PARVA: variants seen among roughly 807,000 people sequenced by gnomAD.
PARVA encodes parvin alpha.
In PARVA, 25 loss-of-function variants were observed where a neutral mutation model predicts 52.6. The observed-to-expected ratio is 0.48, with a 90% confidence interval of 0.35 to 0.66. The LOEUF (loss-of-function observed/expected upper bound fraction) is 0.66. Among genes scored for constraint, PARVA ranks in the 30% least tolerant of loss-of-function variants. The pLI, the probability that PARVA is intolerant of heterozygous loss-of-function variation, is 0.01. For missense variants in PARVA, 373 were observed against 450.9 expected (o/e 0.83, Z 1.56); for synonymous variants, 185 against 179.1 (o/e 1.03, Z -0.26).
At chr11:12,402,408 G>A (rs567892972) in intron 1 of PARVA, among the ~76,000 whole-genome samples, 85 of 152,284 alleles carry the variant, frequency 5.6e-4, no homozygotes, top group South Asian at 5.4e-3. Context: ...GGATCTGGAG[G>A]GGCAAGTGGA....
At chr11:12,400,476 G>A (rs1939810858) in intron 1 of PARVA, among the ~76,000 whole-genome samples, 1 of 152,194 alleles carries the variant, frequency 6.6e-6, no homozygotes, top group Non-Finnish European at 1.5e-5. Flanking sequence ...TATCTCCACT[G>A]TCTAGATCCT....
At chr11:12,522,854 C>T (rs1241840359) in intron 12 of PARVA, among the ~76,000 whole-genome samples, 2 of 150,320 alleles carry the variant, frequency 1.3e-5, no homozygotes, top group Non-Finnish European at 2.9e-5. Flanking sequence ...CAAAAAGAGG[C>T]AACATTTGAA....
At chr11:12,463,795 ATTAT>A (rs1188249336) in intron 1 of PARVA, among the ~76,000 whole-genome samples, 6 of 152,148 alleles carry the variant, frequency 3.9e-5, no homozygotes, top group African/African-American at 1.4e-4. Flanking sequence ...AATTTATTCA[ATTAT>A]TTATATCACT....
chr11:12,508,208 C>G (rs1941460990), intron 6 of PARVA, among the ~76,000 whole-genome samples: 1 of 151,278 alleles, frequency 6.6e-6, no homozygotes, highest in Non-Finnish European at 1.5e-5. Context: ...ATGTGTTTCT[C>G]AGCTTCCCTC....
chr11:12,455,552 T>C (rs920601084), intron 1 of PARVA, among the ~76,000 whole-genome samples: 3 of 152,206 alleles, frequency 2.0e-5, no homozygotes, highest in African/African-American at 4.8e-5. Context: ...ATTGGAAGCC[T>C]CTTTGATACA....
At position 12,491,342 on chromosome 11, in the gene PARVA, A is replaced by C. The variant is rs115491114; in HGVS notation, c.401-5116A>C. Among the ~76,000 whole-genome samples the C allele has an allele frequency of 2.8e-3, 427 of 152,082 alleles. 1 individual carries two copies. The highest frequency in any genetic ancestry group is 9.7e-3 in the African/African-American group (402 of 41,478). ...ACCATGCCCAGCTAAGTATCTTCTT[A>C]TTTTTTGTACAGACAGGGTCTCGCT... On this transcript the variant is annotated intron_variant, in intron 4 of 12. Coordinates refer to ENST00000334956, the MANE Select transcript of PARVA (RefSeq NM_018222.5).
intron 1 of PARVA, among the ~76,000 whole-genome samples, chr11:12,399,670 G>A (rs1939798059): frequency 6.6e-6 from 1 of 152,118 alleles, no homozygotes; most frequent in African/African-American, 2.4e-5. Flanking sequence ...TTTCTTGTGT[G>A]TGTGTATTTT....
At chr11:12,513,754 G>A in intron 9 of PARVA, 2 of 592,256 alleles carry the variant, frequency 3.4e-6, no homozygotes, top group African/African-American at 1.9e-5. Context: ...CTATCATTCT[G>A]CCTCTTGGGA....
intron 1 of PARVA, among the ~76,000 whole-genome samples, chr11:12,471,596 A>ACC (rs145637596): frequency 6.6e-6 from 1 of 152,044 alleles, no homozygotes; most frequent in Non-Finnish European, 1.5e-5. Flanking sequence ...TTAGCAAACT[A>ACC]ACAGGAGCAG....
intron 3 of PARVA, among the ~76,000 whole-genome samples, 166 bp from the exon 4 acceptor site, chr11:12,477,681 A>G (rs1941033503): frequency 6.6e-6 from 1 of 152,114 alleles, no homozygotes; most frequent in Admixed American, 6.6e-5. Context: ...CCAGGAGTTT[A>G]AGTCCAGCCT....
At chr11:12,494,657 A>T (rs953416973) in intron 4 of PARVA, among the ~76,000 whole-genome samples, 6 of 150,472 alleles carry the variant, frequency 4.0e-5, no homozygotes, top group African/African-American at 1.5e-4. Flanking sequence ...ACACCATTTA[A>T]AAAAAAAAAG....
intron 1 of PARVA, among the ~76,000 whole-genome samples, chr11:12,471,624 G>A (rs1347238570): frequency 6.6e-6 from 1 of 152,118 alleles, no homozygotes; most frequent in Non-Finnish European, 1.5e-5. Context: ...AATATGGCAT[G>A]TCCTCACTTA....
At chr11:12,487,971 A>C (rs1941184441) in intron 4 of PARVA, among the ~76,000 whole-genome samples, 1 of 152,206 alleles carries the variant, frequency 6.6e-6, no homozygotes, top group Admixed American at 6.5e-5. Context: ...GTATATTATC[A>C]GTCTTATTGA....
At chr11:12,485,934 A>G (rs1353062172) in intron 4 of PARVA, among the ~76,000 whole-genome samples, 2 of 152,216 alleles carry the variant, frequency 1.3e-5, no homozygotes, top group East Asian at 3.8e-4. Flanking sequence ...CATGGTAAAA[A>G]CAATGCAAGT....
rs545638355 is a variant in PARVA at position 12,521,033 on chromosome 11, C to T, written c.1042+2516C>T. ...CCACATGTCTTCAAATGCACATGTC[C>T]ACCCTGTTATCACCTTTCAAGTAGA... On this transcript the variant is annotated intron_variant, in intron 12 of 12. Transcript: ENST00000334956. Among the ~76,000 whole-genome samples the T allele has an allele frequency of 6.6e-5, 10 of 152,318 alleles. No individual in the cohort carries two copies. The South Asian group carries it at 2.1e-3, about 32-fold the overall frequency.
chr11:12,461,074 A>G (rs1589966124), intron 1 of PARVA, among the ~76,000 whole-genome samples: 1 of 152,252 alleles, frequency 6.6e-6, no homozygotes, highest in East Asian at 1.9e-4. Flanking sequence ...AGTGCTTATC[A>G]GGTACCTGGC....
intron 9 of PARVA, chr11:12,513,596 C>A (rs1421179711): frequency 6.0e-6 from 4 of 666,956 alleles, no homozygotes; most frequent in Admixed American, 4.1e-5. Flanking sequence ...CCAGGCTAAC[C>A]CCAGCAATCT....
At chr11:12,440,437 G>A (rs141746318) in intron 1 of PARVA, among the ~76,000 whole-genome samples, 331 of 152,294 alleles carry the variant, frequency 2.2e-3, no homozygotes, top group African/African-American at 7.5e-3. Flanking sequence ...TCCTGTGCCC[G>A]TGAACTGGGG....
At chr11:12,419,534 G>A (rs1374106379) in intron 1 of PARVA, among the ~76,000 whole-genome samples, 1 of 152,182 alleles carries the variant, frequency 6.6e-6, no homozygotes, top group East Asian at 1.9e-4. Context: ...GGACACTTGA[G>A]TTGCTTCCAT....
Sources: allele counts gnomAD v4.1 joint callset (sites outside exome capture counted in the v4.1 genomes callset), GRCh38; gene constraint gnomAD v4.1.1; transcripts MANE v1.5; gene names NCBI Gene and HGNC (gene_info 2026-07-23, HGNC 2026-07-21).